LOC128125817: variants seen among roughly 807,000 people sequenced by gnomAD.
chr1:41,606,726 A>G, the LOC128125817 span, among the ~76,000 whole-genome samples: 1 of 151,854 alleles, frequency 6.6e-6, no homozygotes, highest in South Asian at 2.1e-4. Flanking sequence ...TACACATTTA[A>G]AAAACTATTT....
At chr1:41,590,969 C>T in the LOC128125817 span, among the ~76,000 whole-genome samples, 2 of 152,188 alleles carry the variant, frequency 1.3e-5, no homozygotes, top group Non-Finnish European at 2.9e-5. Flanking sequence ...GTCTCCCCAT[C>T]TGTAAAAAGG....
chr1:41,627,521 G>A, the LOC128125817 span, among the ~76,000 whole-genome samples: 1 of 152,178 alleles, frequency 6.6e-6, no homozygotes, highest in Non-Finnish European at 1.5e-5. Context: ...CCTAGGGCTG[G>A]TAGGCCCAAG....
At chr1:41,590,022 TC>T in the LOC128125817 span, among the ~76,000 whole-genome samples, 2 of 152,210 alleles carry the variant, frequency 1.3e-5, no homozygotes, top group African/African-American at 4.8e-5. Context: ...CAGTGCCCCT[TC>T]TAAAAATCTC....
At chr1:41,612,573 G>A in the LOC128125817 span, among the ~76,000 whole-genome samples, 227 of 152,316 alleles carry the variant, frequency 1.5e-3, 2 homozygotes, top group African/African-American at 5.3e-3. Flanking sequence ...GAAAGTGGCT[G>A]GGCTGGATCC....
chr1:41,588,777 A>G, the LOC128125817 span, among the ~76,000 whole-genome samples: 3 of 152,150 alleles, frequency 2.0e-5, no homozygotes, highest in African/African-American at 7.2e-5. Context: ...ATTCTGCACA[A>G]CAGGCATCTG....
chr1:41,627,475 G>A, the LOC128125817 span, among the ~76,000 whole-genome samples: 2 of 152,094 alleles, frequency 1.3e-5, no homozygotes, highest in African/African-American at 2.4e-5. Context: ...TCCAGGGAAC[G>A]ATTCCTTTAC....
chr1:41,627,876 G>A, the LOC128125817 span, among the ~76,000 whole-genome samples: 88,493 of 151,050 alleles, frequency 0.59, 27,366 homozygotes, highest in African/African-American at 0.79. Context: ...CCCTCCCTCC[G>A]TCCATCCCTC....
chr1:41,617,931 C>G, the LOC128125817 span, among the ~76,000 whole-genome samples: 9 of 152,218 alleles, frequency 5.9e-5, no homozygotes, highest in Non-Finnish European at 1.3e-4. Flanking sequence ...GCAATGACCG[C>G]ACCAGGCTCA....
chr1:41,619,887 G>A, the LOC128125817 span, among the ~76,000 whole-genome samples: 1 of 152,190 alleles, frequency 6.6e-6, no homozygotes, highest in African/African-American at 2.4e-5. Context: ...AGATTAGGCT[G>A]CAGTGAGCAC....
At chr1:41,593,237 C>T in the LOC128125817 span, among the ~76,000 whole-genome samples, 1 of 152,206 alleles carries the variant, frequency 6.6e-6, no homozygotes, top group Non-Finnish European at 1.5e-5. Context: ...CCCACATGCC[C>T]CTCCCCAGAG....
the LOC128125817 span, among the ~76,000 whole-genome samples, chr1:41,611,597 G>C: frequency 6.6e-6 from 1 of 152,216 alleles, no homozygotes; most frequent in African/African-American, 2.4e-5. Context: ...GGCAGGCAGG[G>C]GGTCTGCAGT....
chr1:41,592,996 T>G, the LOC128125817 span, among the ~76,000 whole-genome samples: 3 of 152,194 alleles, frequency 2.0e-5, no homozygotes, highest in African/African-American at 4.8e-5. Context: ...CCCAGCCATG[T>G]CATCAATCCC....
chr1:41,591,074 A>C, the LOC128125817 span, among the ~76,000 whole-genome samples: 1 of 152,214 alleles, frequency 6.6e-6, no homozygotes, highest in Non-Finnish European at 1.5e-5. Context: ...AATAAATAAT[A>C]ATCATCATTG....
chr1:41,598,205 C>T, the LOC128125817 span, among the ~76,000 whole-genome samples: 34 of 152,274 alleles, frequency 2.2e-4, no homozygotes, highest in East Asian at 1.2e-3. Context: ...TCATCAACAC[C>T]GCCTAAGAGA....
the LOC128125817 span, among the ~76,000 whole-genome samples, chr1:41,605,122 A>G: frequency 1.1e-4 from 15 of 135,098 alleles, no homozygotes; most frequent in East Asian, 4.9e-4. Context: ...AAAAAAAAAA[A>G]AGAGAAAGGG....
the LOC128125817 span, among the ~76,000 whole-genome samples, chr1:41,606,498 G>A: frequency 6.6e-6 from 1 of 151,966 alleles, no homozygotes; most frequent in Non-Finnish European, 1.5e-5. Flanking sequence ...ATCATTGCCT[G>A]CGAAGCCACT....
chr1:41,595,011 C>G, the LOC128125817 span, among the ~76,000 whole-genome samples: 1 of 152,204 alleles, frequency 6.6e-6, no homozygotes, highest in Non-Finnish European at 1.5e-5. Context: ...TCTGAAATGT[C>G]TGTGGTGTCT....
chr1:41,604,850 T>C, the LOC128125817 span, among the ~76,000 whole-genome samples: 1 of 152,110 alleles, frequency 6.6e-6, no homozygotes, highest in Non-Finnish European at 1.5e-5. Context: ...ATGCCTATAA[T>C]CTCAGCATTT....
chr1:41,589,877 A>G, the LOC128125817 span, among the ~76,000 whole-genome samples: 1 of 152,268 alleles, frequency 6.6e-6, no homozygotes. Context: ...ACTGGCAGTA[A>G]TAAAACATAC....
Sources: allele counts gnomAD v4.1 joint callset (sites outside exome capture counted in the v4.1 genomes callset), GRCh38; gene constraint gnomAD v4.1.1; transcripts MANE v1.5.